CFAP47: variants seen among roughly 807,000 people sequenced by gnomAD.
CFAP47 encodes cilia and flagella associated protein 47.
Under a neutral mutation model 148.1 loss-of-function variants are expected in CFAP47, and 29 were observed. The observed-to-expected ratio is 0.20, with a 90% confidence interval of 0.15 to 0.27. CFAP47 has a LOEUF of 0.27. Ranked by LOEUF, CFAP47 falls within the 10% of genes least tolerant of loss-of-function variation. The pLI, the probability that CFAP47 is intolerant of heterozygous loss-of-function variation, is 1.00. For synonymous variants in CFAP47, 664 were observed against 577.3 expected (o/e 1.15, Z -2.15); for missense variants, 1,872 against 1,697.5 (o/e 1.10, Z -1.81).
chrX:36,307,954 T>C (rs1233757428), intron 55 of CFAP47, among the ~76,000 whole-genome samples: 2 of 111,588 alleles, frequency 1.8e-5, no homozygotes, highest in Non-Finnish European at 3.8e-5. Context: ...AGGAAATATA[T>C]AATGGAGATT....
Position 36,079,086 on chromosome X carries a change from CTT to C in CFAP47, c.4691+5724_4691+5725del, listed in dbSNP as rs1569251879. On this transcript the variant is annotated intron_variant, in intron 29 of 63. Coordinates refer to ENST00000378653, the MANE Select transcript of CFAP47 (RefSeq NM_001304548.2). ...GACTTCCCTTTGTGGGTAACCCGAC[CTT>C]TCTCTCTGGCTGCTCTTAGCATTTT... 4.5e-5 allele frequency among the ~76,000 whole-genome samples: 5 copies of C among 111,603 alleles called. No homozygotes were observed. The Admixed American group carries it at 4.8e-4, about 11-fold the overall frequency.
chrX:36,008,645 C>A (rs1004923576), intron 21 of CFAP47, among the ~76,000 whole-genome samples: 1 of 109,779 alleles, frequency 9.1e-6, no homozygotes, highest in African/African-American at 3.3e-5. Flanking sequence ...TGATGCTCAC[C>A]TGTAATCTCA....
At chrX:35,954,223 T>G (rs1324344744) in intron 7 of CFAP47, among the ~76,000 whole-genome samples, 1 of 111,153 alleles carries the variant, frequency 9.0e-6, no homozygotes, top group Non-Finnish European at 1.9e-5. Context: ...GCCTTATATG[T>G]TTTATATTCT....
At chrX:35,988,047 C>T (rs2146681278) in intron 15 of CFAP47, among the ~76,000 whole-genome samples, 1 of 111,680 alleles carries the variant, frequency 9.0e-6, no homozygotes, top group Non-Finnish European at 1.9e-5. Flanking sequence ...AGAGCTGTTC[C>T]TATTCGGCCA....
At position 36,201,405 on chromosome X, in the gene CFAP47, T is replaced by G. The variant is rs1555988018; in HGVS notation, c.6568T>G (p.Ser2190Ala). The change falls in exon 44 of 64, where the codon TCG becomes GCG. Residue 2190 changes from serine (S) to alanine (A), a missense_variant. By Grantham distance (99) the Ser-to-Ala change is moderately conservative. Coordinates refer to ENST00000378653, the MANE Select transcript of CFAP47 (RefSeq NM_001304548.2). ...ALAFAAQQQM[S>A]SIEYERRLIT... is the part of the protein sequence containing the mutation. Reference sequence around the variant, plus strand: ...GGCTTTTGCAGCACAGCAACAGATGTCGAGTATTGAGTATGAGCGAAGGTT... The same window carrying G: ...GGCTTTTGCAGCACAGCAACAGATGGCGAGTATTGAGTATGAGCGAAGGTT... 2 of 295,130 alleles carry G rather than the reference T, an allele frequency of 6.8e-6. No homozygotes were observed. Among genetic ancestry groups the G allele is most frequent in the East Asian group, 9.6e-5 (2 of 20,933 alleles). 24.3% of individuals were successfully genotyped at this position (295,130 alleles called of 1,213,427 possible).
At chrX:36,046,800 C>A in intron 25 of CFAP47, 54 bp from the exon 26 acceptor site, 1 of 794,569 alleles carries the variant, frequency 1.3e-6, no homozygotes, top group Non-Finnish European at 1.8e-6. Flanking sequence ...ACATTTAAAG[C>A]CAATGACTGG....
intron 33 of CFAP47, among the ~76,000 whole-genome samples, chrX:36,118,991 C>A (rs1211049260): frequency 3.6e-5 from 4 of 111,601 alleles, no homozygotes; most frequent in Non-Finnish European, 7.5e-5. Context: ...TAGGTTTCTC[C>A]AAATGTAAGA....
At chrX:35,998,452 A>C (rs1360448274) in intron 19 of CFAP47, among the ~76,000 whole-genome samples, 1 of 111,478 alleles carries the variant, frequency 9.0e-6, no homozygotes, top group East Asian at 2.8e-4. Context: ...CCCTGGGAAC[A>C]TCACCATCAG....
intron 36 of CFAP47, among the ~76,000 whole-genome samples, chrX:36,147,241 A>C (rs1471921190): frequency 1.8e-5 from 2 of 111,765 alleles, no homozygotes; most frequent in Non-Finnish European, 3.8e-5. Context: ...ATTGCAAAAA[A>C]GGAATTGAGA....
intron 30 of CFAP47, among the ~76,000 whole-genome samples, chrX:36,087,947 C>G (rs1367788009): frequency 9.0e-6 from 1 of 111,391 alleles, no homozygotes; most frequent in Non-Finnish European, 1.9e-5. Context: ...TTGGTTTCTT[C>G]CGAGGTTTCT....
chrX:36,072,078 A>C, intron 28 of CFAP47, 107 bp downstream of exon 28: 1 of 614,931 alleles, frequency 1.6e-6, no homozygotes. Context: ...GAAATTCATG[A>C]AGAAAATTGG....
At chrX:36,367,328 G>GA (rs1556020522) in intron 62 of CFAP47, among the ~76,000 whole-genome samples, 2 of 111,799 alleles carry the variant, frequency 1.8e-5, no homozygotes, top group African/African-American at 6.5e-5. Context: ...AGACCAGAAT[G>GA]AAAAACAAAA....
intron 49 of CFAP47, among the ~76,000 whole-genome samples, chrX:36,273,966 G>A (rs1940987010): frequency 1.8e-5 from 2 of 111,852 alleles, no homozygotes; most frequent in South Asian, 7.4e-4. Flanking sequence ...ATACTTCTAA[G>A]ATATATTGTT....
chrX:36,247,369 A>C (rs781910847), intron 48 of CFAP47, among the ~76,000 whole-genome samples: 1 of 111,241 alleles, frequency 9.0e-6, no homozygotes, highest in Admixed American at 9.6e-5. Context: ...AAACCTCAGC[A>C]TCATGCAATA....
chrX:36,361,345 A>T lies in CFAP47; in HGVS notation c.8867A>T (p.His2956Leu), dbSNP rs190722798. The change falls in exon 61 of 64, where the codon CAT (histidine) becomes CTT (leucine). Residue 2956 changes from histidine (H) to leucine (L), a missense_variant. By Grantham distance (99) the His-to-Leu change is moderately conservative. Coordinates refer to ENST00000378653, the MANE Select transcript of CFAP47 (RefSeq NM_001304548.2). ...ACTTTCCTAGAAATTCCTAAAATAC[A>T]TGAATTCGAGTATGAAATTCAATTT... ...CEDPNEIPKI[H>L]EFEYEIQFES... is the part of the protein sequence containing the mutation. 2 of 1,108,740 alleles carry T rather than the reference A, an allele frequency of 1.8e-6. No homozygotes were observed. Among genetic ancestry groups the T allele is most frequent in the South Asian group, 2.1e-5 (1 of 46,958 alleles). The allele number at this position is 1,108,740 out of a possible 1,213,427, so 91.4% of individuals were successfully genotyped here.
At chrX:36,313,080 C>G (rs782423904) in intron 56 of CFAP47, among the ~76,000 whole-genome samples, 2 of 110,861 alleles carry the variant, frequency 1.8e-5, no homozygotes, top group East Asian at 5.6e-4. Flanking sequence ...ATTTGATCTA[C>G]AGAAAAACAT....
chrX:36,229,074 T>G (rs1239291524), intron 46 of CFAP47, among the ~76,000 whole-genome samples: 2 of 111,610 alleles, frequency 1.8e-5, no homozygotes, highest in African/African-American at 6.5e-5. Context: ...ATCATTAAAT[T>G]CCTTCTTGCT....
At chrX:35,954,824 A>G (rs1936220403) in intron 7 of CFAP47, among the ~76,000 whole-genome samples, 1 of 111,669 alleles carries the variant, frequency 9.0e-6, no homozygotes, top group Non-Finnish European at 1.9e-5. Flanking sequence ...GTGCACTTAT[A>G]TCTGTTGGTC....
intron 25 of CFAP47, 25 bp from the exon 26 acceptor site, chrX:36,046,829 G>A: frequency 9.5e-7 from 1 of 1,054,427 alleles, no homozygotes; most frequent in Non-Finnish European, 1.3e-6. Flanking sequence ...TTGAGCTAAT[G>A]AAACATTTTT....
Sources: allele counts gnomAD v4.1 joint callset (sites outside exome capture counted in the v4.1 genomes callset), GRCh38; gene constraint gnomAD v4.1.1; transcripts MANE v1.5; gene names NCBI Gene and HGNC (gene_info 2026-07-23, HGNC 2026-07-21).